BRDT: variants seen among roughly 807,000 people sequenced by gnomAD.
The protein encoded by BRDT is bromodomain testis associated.
Under a neutral mutation model 113.9 loss-of-function variants are expected in BRDT, and 77 were observed. The observed-to-expected ratio is 0.68, with a 90% CI of 0.56 to 0.82. The LOEUF is 0.82. Among genes scored for constraint, BRDT ranks in the 40% least tolerant of loss-of-function variants. The pLI is 0.00. For missense variants in BRDT, 1,027 were observed against 1,105.4 expected (o/e 0.93, Z 1.01); for synonymous variants, 358 against 366.5 (o/e 0.98, Z 0.26).
In BRDT at chr1:92,008,138, G is replaced by A. The variant is rs560713918; in HGVS notation, c.2775+2839G>A. ...TCGCCATGTTGGCCAGGCTAGTCTC[G>A]AACTCCTAACCTCAGGTGATCCACC... On this transcript the variant is annotated intron_variant, in intron 18 of 18. Coordinates refer to ENST00000399546, the MANE Select transcript of BRDT (RefSeq NM_207189.4). Among the ~76,000 whole-genome samples, 605 of 152,192 alleles carry A rather than the reference G, an allele frequency of 4.0e-3. 3 individuals carry two copies. The highest frequency in any genetic ancestry group is 7.0e-3 in the Non-Finnish European group (475 of 68,022).
chr1:91,954,536 T>G (rs1389023820), intron 1 of BRDT, among the ~76,000 whole-genome samples: 1 of 152,180 alleles, frequency 6.6e-6, no homozygotes, highest in Non-Finnish European at 1.5e-5. Context: ...CACCTTGGCC[T>G]CTCAAAGTGT....
chr1:91,969,143 T>C (rs1570481369), intron 4 of BRDT, among the ~76,000 whole-genome samples: 1 of 151,984 alleles, frequency 6.6e-6, no homozygotes, highest in Non-Finnish European at 1.5e-5. Flanking sequence ...GGTTTCACCA[T>C]GTTAGCCAGG....
At chr1:91,983,754 T>C (rs1684936897) in intron 12 of BRDT, among the ~76,000 whole-genome samples, 1 of 151,888 alleles carries the variant, frequency 6.6e-6, no homozygotes. Flanking sequence ...AGTGATGTGA[T>C]TGTGGCCTCC....
At chr1:91,961,691 C>A (rs991679629) in intron 1 of BRDT, among the ~76,000 whole-genome samples, 2 of 152,012 alleles carry the variant, frequency 1.3e-5, no homozygotes, top group Admixed American at 1.3e-4. Context: ...CATTTTTTTA[C>A]TTTGCTTTTC....
intron 15 of BRDT, among the ~76,000 whole-genome samples, chr1:92,000,300 C>T (rs1245075747): frequency 1.3e-5 from 2 of 152,224 alleles, no homozygotes; most frequent in East Asian, 3.8e-4. Flanking sequence ...TACTTTTTCT[C>T]CTTCCTAAAT....
intron 7 of BRDT, among the ~76,000 whole-genome samples, chr1:91,979,220 T>C (rs1352715083): frequency 1.3e-5 from 2 of 151,296 alleles, no homozygotes; most frequent in Non-Finnish European, 2.9e-5. Flanking sequence ...TTCAAGCGAT[T>C]CTCCTGCCTC....
intron 12 of BRDT, 80 bp downstream of exon 12, chr1:91,981,835 A>G: frequency 6.9e-7 from 1 of 1,441,828 alleles, no homozygotes. Flanking sequence ...TTGAAGAAAT[A>G]TTTGTTACTT....
Position 91,980,470 on chromosome 1 carries a change from T to C in BRDT, c.1288-173T>C, listed in dbSNP as rs950393328. Reference sequence around the variant, plus strand: ...ACATGATAGTTTTTGTAATTTAATATATGCCTTTTAAAAATTCAATGCATT... The same window carrying C: ...ACATGATAGTTTTTGTAATTTAATACATGCCTTTTAAAAATTCAATGCATT... On this transcript the variant is annotated intron_variant, in intron 8 of 18. Transcript: ENST00000399546. Among the ~76,000 whole-genome samples the C allele has an allele frequency of 5.9e-5, 9 of 152,234 alleles. 1 individual carries two copies. The highest frequency in any genetic ancestry group is 2.9e-5 in the Non-Finnish European group (2 of 68,048).
At chr1:91,996,758 G>C (rs1281754754) in intron 15 of BRDT, among the ~76,000 whole-genome samples, 1 of 152,192 alleles carries the variant, frequency 6.6e-6, no homozygotes, top group South Asian at 2.1e-4. Flanking sequence ...TAGGATGAAT[G>C]AGCTACTGGG....
At chr1:91,968,007 A>T in intron 3 of BRDT, 139 bp from the exon 4 acceptor site, 1 of 745,508 alleles carries the variant, frequency 1.3e-6, no homozygotes, top group Non-Finnish European at 2.0e-6. Context: ...GAGCAGCTTC[A>T]CTATTTTCTA....
At chr1:92,001,905 G>T in intron 15 of BRDT, 144 bp from the exon 16 acceptor site, 1 of 583,714 alleles carries the variant, frequency 1.7e-6, no homozygotes, top group East Asian at 2.9e-5. Flanking sequence ...CCCTAACTAA[G>T]AATATTCCAA....
intron 6 of BRDT, among the ~76,000 whole-genome samples, chr1:91,977,879 G>C (rs887707832): frequency 5.9e-5 from 9 of 151,760 alleles, no homozygotes; most frequent in Admixed American, 5.9e-4. Flanking sequence ...CAAAAAAAAA[G>C]ATTATATGAA....
intron 15 of BRDT, among the ~76,000 whole-genome samples, chr1:91,999,263 A>C (rs2101783021): frequency 6.6e-6 from 1 of 152,254 alleles, no homozygotes; most frequent in Middle Eastern, 3.4e-3. Flanking sequence ...GGCTCACAGG[A>C]TACTGGCTGG....
intron 12 of BRDT, among the ~76,000 whole-genome samples, chr1:91,989,009 TG>T (rs1437646530): frequency 6.6e-6 from 1 of 151,702 alleles, no homozygotes. Flanking sequence ...GCTAAGGTTT[TG>T]GGACTTCAAA....
chr1:92,000,547 G>C lies in BRDT; in HGVS notation c.2288-1502G>C, dbSNP rs562675979. On this transcript the variant is annotated intron_variant, in intron 15 of 18. Coordinates refer to ENST00000399546, the MANE Select transcript of BRDT (RefSeq NM_207189.4). ...CTCTCTTCTTCTAACCTCAACCTCAGTATGATTTAGCCAGAGAATCAGTCA... is the reference window on the plus strand; with the variant it reads ...CTCTCTTCTTCTAACCTCAACCTCACTATGATTTAGCCAGAGAATCAGTCA... Among the ~76,000 whole-genome samples the C allele has an allele frequency of 6.6e-5, 10 of 152,236 alleles. No homozygotes were observed. In the South Asian group the frequency reaches 1.9e-3, roughly 28 times the overall value.
In BRDT at chr1:91,992,272, G is replaced by C; in HGVS notation, c.2073G>C (p.Lys691Asn). The change falls in exon 14 of 19, where the codon AAG (lysine) becomes AAC (asparagine). Residue 691 changes from lysine to asparagine, a missense_variant. By Grantham distance (94) the Lys-to-Asn change is moderately conservative (BLOSUM62 0). Coordinates refer to ENST00000399546, the MANE Select transcript of BRDT (RefSeq NM_207189.4). The stretch of plus-strand genomic sequence containing the variant: ...TATATAATTATTTTTAGAAAATGAA[G>C]AATGAATGCATACCGCCTGAAGGAA... ...SPSKENVKKMKNECIPPEGRT... is the reference protein window; with the variant it reads ...SPSKENVKKMNNECIPPEGRT... 6.7e-7 allele frequency: 1 copy of C among 1,486,774 alleles called. No homozygotes were observed. Among genetic ancestry groups the C allele is most frequent in the Non-Finnish European group, 9.1e-7 (1 of 1,101,884 alleles). 92.1% of individuals were successfully genotyped at this position (1,486,774 alleles called of 1,614,324 possible).
chr1:92,005,366 G>T, intron 18 of BRDT, 67 bp downstream of exon 18: 1 of 1,378,422 alleles, frequency 7.3e-7, no homozygotes, highest in Non-Finnish European at 9.6e-7. Flanking sequence ...ACTGTCTTTT[G>T]TATGTTCAAG....
chr1:91,979,454 GA>G, intron 7 of BRDT, 114 bp from the exon 8 acceptor site: 1 of 1,055,932 alleles, frequency 9.5e-7, no homozygotes, highest in Non-Finnish European at 1.4e-6. Context: ...TATCTTAAAG[GA>G]AAAAAGAATT....
In BRDT at chr1:91,979,374, TAA is replaced by T. The variant is rs1343370250; in HGVS notation, c.1099-194_1099-193del. On this transcript the variant is annotated intron_variant, in intron 7 of 18. Transcript: ENST00000399546. ...GGTGATCCACCCGCCTCGGCCTCCCTAAGTGCTAAGATTACAGGCATGATCCA... is the reference window on the plus strand; with the variant it reads ...GGTGATCCACCCGCCTCGGCCTCCCTGTGCTAAGATTACAGGCATGATCCA... 3.9e-5 allele frequency among the ~76,000 whole-genome samples: 6 copies of T among 151,928 alleles called. No individual in the cohort carries two copies. In the East Asian group the frequency reaches 1.2e-3, roughly 30 times the overall value.
Sources: gnomAD v4.1 joint callset for allele counts (sites outside exome capture counted in the v4.1 genomes callset) on GRCh38, gnomAD v4.1.1 for gene constraint, MANE v1.5 for transcripts, NCBI Gene and HGNC (gene_info 2026-07-23, HGNC 2026-07-21) for gene names.